ATL1: variants seen among roughly 807,000 people sequenced by gnomAD.
The protein encoded by ATL1 is atlastin-1.
ATL1 carries 31 observed loss-of-function variants against 75.5 expected under a neutral mutation model. The observed-to-expected ratio is 0.41, with a 90% CI of 0.31 to 0.55. The LOEUF (loss-of-function observed/expected upper bound fraction) is 0.55. Ranked by LOEUF, ATL1 falls within the 20% of genes least tolerant of loss-of-function variation. The pLI, the probability that ATL1 is intolerant of heterozygous loss-of-function variation, is 0.27. For synonymous variants in ATL1, 226 were observed against 233.3 expected (o/e 0.97, Z 0.28); for missense variants, 405 against 662.6 (o/e 0.61, Z 4.27).
intron 6 of ATL1, among the ~76,000 whole-genome samples, chr14:50,609,699 A>ACTGAAAGG (rs916696919): frequency 2.0e-5 from 3 of 152,028 alleles, no homozygotes; most frequent in African/African-American, 7.2e-5. Context: ...AGCTCTGCCC[A>ACTGAAAGG]CTGAAAGGTC....
chr14:50,590,974 C>A lies in ATL1; in HGVS notation c.316C>A (p.Pro106Thr). ...SVDWVGDYNE[P>T]LTGFSWRGGS... ...TGATTGGGTTGGAGACTACAATGAA[C>A]CATTGACTGGTTTTTCATGGAGAGG... Residue 106 changes from proline (P) to threonine (T), a missense_variant, in exon 3 of 14, where the codon CCA becomes ACA. Pro to Thr is a conservative substitution (Grantham distance 38). This residue lies in a region of ATL1 where 126 missense variants were observed against 172.0 expected (regional missense o/e 0.73). Coordinates refer to ENST00000358385, the MANE Select transcript of ATL1 (RefSeq NM_015915.5). The A allele has an allele frequency of 6.2e-7, 1 of 1,613,830 alleles. No individual in the cohort carries two copies. The highest frequency in any genetic ancestry group is 1.1e-5 in the South Asian group (1 of 91,064).
chr14:50,614,373 G>T lies in ATL1; in HGVS notation c.724G>T (p.Val242Phe), dbSNP rs772913174. ...GAKFLEKRLK[V>F]SGNQHEELQN... ...TAAACTTCAGAATGATTTACTGCAG[G>T]TCTCAGGGAACCAGCATGAAGAACT... The change falls in exon 8 of 14, where the codon GTC becomes TTC. Residue 242 changes from valine to phenylalanine, a missense_variant and splice_region_variant. Val to Phe is a conservative substitution (Grantham distance 50). Transcript: ENST00000358385. 6.2e-7 allele frequency: 1 copy of T among 1,613,968 alleles called. No homozygotes were observed. The highest frequency in any genetic ancestry group is 1.3e-5 in the African/African-American group (1 of 75,036).
At chr14:50,627,766 G>A (rs2039535297) in intron 11 of ATL1, among the ~76,000 whole-genome samples, 1 of 152,142 alleles carries the variant, frequency 6.6e-6, no homozygotes, top group Admixed American at 6.5e-5. Flanking sequence ...TCATCTTGAA[G>A]GACTTGGATT....
At chr14:50,603,931 A>G (rs1230366042) in intron 6 of ATL1, among the ~76,000 whole-genome samples, 1 of 152,154 alleles carries the variant, frequency 6.6e-6, no homozygotes, top group Non-Finnish European at 1.5e-5. Flanking sequence ...GCTACATAGA[A>G]CTAGGTCAGT....
intron 1 of ATL1, among the ~76,000 whole-genome samples, chr14:50,544,552 C>T (rs1485159330): frequency 6.6e-6 from 1 of 152,186 alleles, no homozygotes; most frequent in African/African-American, 2.4e-5. Context: ...ACAGACATGA[C>T]TTATTCTGTC....
chr14:50,540,574 T>C (rs1400051880), intron 1 of ATL1, among the ~76,000 whole-genome samples: 2 of 152,280 alleles, frequency 1.3e-5, no homozygotes, highest in Middle Eastern at 3.4e-3. Context: ...TTCTCATACA[T>C]TCTGGAGGTT....
At chr14:50,600,936 C>G (rs1042785763) in intron 6 of ATL1, among the ~76,000 whole-genome samples, 1 of 151,966 alleles carries the variant, frequency 6.6e-6, no homozygotes, top group Non-Finnish European at 1.5e-5. Flanking sequence ...GACTCTATCT[C>G]TACAAAAAGT....
At position 50,628,198 on chromosome 14, in the gene ATL1, C is replaced by T. The variant is rs2039540604; in HGVS notation, c.1287C>T (p.Tyr429=). 6.2e-7 allele frequency: 1 copy of T among 1,614,156 alleles called. No homozygotes were observed. The highest frequency in any genetic ancestry group is 1.1e-5 in the South Asian group (1 of 91,082). ...TGGAGAGTGAAATAGATGAACTTTA[C>T]ATCCAATATATCAAGCACAATGATA... ...QQLESEIDEL[Y]IQYIKHNDSK... Residue 429 remains tyrosine, a synonymous_variant, in exon 12 of 14, where the codon TAC becomes TAT. Coordinates refer to ENST00000358385, the MANE Select transcript of ATL1 (RefSeq NM_015915.5).
chr14:50,575,422 C>T (rs1566719070), intron 1 of ATL1, among the ~76,000 whole-genome samples: 1 of 152,104 alleles, frequency 6.6e-6, no homozygotes, highest in Non-Finnish European at 1.5e-5. Context: ...TACATATAAT[C>T]CCATATCTCT....
chr14:50,560,208 C>G lies in ATL1; in HGVS notation c.-58C>G. On this transcript the variant is annotated 5_prime_UTR_variant, in exon 1 of 14. Transcript: ENST00000358385. ...CTCCCACCGCCAGCAACCTGCGGCCCCGGAGAAGGCAGCGAGCGCAGTGAC... is the reference window on the plus strand; with the variant it reads ...CTCCCACCGCCAGCAACCTGCGGCCGCGGAGAAGGCAGCGAGCGCAGTGAC... The G allele has an allele frequency of 6.2e-7, 1 of 1,606,404 alleles. No homozygotes were observed. Among genetic ancestry groups the G allele is most frequent in the Non-Finnish European group, 8.5e-7 (1 of 1,176,140 alleles).
rs79293985 is a variant in ATL1 at position 50,541,403 on chromosome 14, C to T, written c.-140+8036C>T. On this transcript the variant is annotated intron_variant, in intron 1 of 13. Coordinates refer to the ATL1 transcript ENST00000441560. ...AGATAAACCCAGTTCAGGAACCTGA[C>T]ACATTAGTGACATTTCTAACAAGGA... Among the ~76,000 whole-genome samples, 427 of 152,330 alleles carry T rather than the reference C, an allele frequency of 2.8e-3. 2 individuals carry two copies. Among genetic ancestry groups the T allele is most frequent in the Non-Finnish European group, 4.2e-3 (285 of 68,034 alleles).
chr14:50,599,539 TA>T, intron 6 of ATL1, among the ~76,000 whole-genome samples: 1 of 152,218 alleles, frequency 6.6e-6, no homozygotes, highest in East Asian at 1.9e-4. Flanking sequence ...AGAGTAATAG[TA>T]GCAGGAATTT....
At chr14:50,576,878 A>G (rs930748223) in intron 1 of ATL1, among the ~76,000 whole-genome samples, 1 of 152,112 alleles carries the variant, frequency 6.6e-6, no homozygotes, top group Non-Finnish European at 1.5e-5. Flanking sequence ...TGCCCAGCCT[A>G]TTTTAGATTA....
chr14:50,584,211 C>G (rs911944223), intron 1 of ATL1, among the ~76,000 whole-genome samples: 1 of 151,774 alleles, frequency 6.6e-6, no homozygotes. Flanking sequence ...CCCATCTCTA[C>G]AAAAAATACA....
At chr14:50,543,032 T>G (rs185107779) in intron 1 of ATL1, among the ~76,000 whole-genome samples, 1 of 152,302 alleles carries the variant, frequency 6.6e-6, no homozygotes, top group African/African-American at 2.4e-5. Flanking sequence ...AATGTGAAAA[T>G]AACTGTGAAC....
chr14:50,536,996 C>T (rs4349065), intron 1 of ATL1, among the ~76,000 whole-genome samples: 127,843 of 152,280 alleles, frequency 0.84, 55,654 homozygotes, highest in Non-Finnish European at 0.94. Context: ...GCATAAGTAA[C>T]GAAAAGCTGA....
At position 50,597,220 on chromosome 14, in the gene ATL1, C is replaced by CAAAAAAAA. The variant is rs372066395; in HGVS notation, c.630+1594_630+1601dup. Among the ~76,000 whole-genome samples, 466 of 108,320 alleles carry CAAAAAAAA rather than the reference C, an allele frequency of 4.3e-3. 8 individuals carry two copies. Among genetic ancestry groups the CAAAAAAAA allele is most frequent in the African/African-American group, 0.018 (432 of 24,068 alleles). The allele number at this position is 108,320 out of a possible 152,430, so 71.1% of individuals were successfully genotyped here. On this transcript the variant is annotated intron_variant, in intron 6 of 13. Transcript: ENST00000358385. ...CAAGACTCTGTCTCAAAAAAACAAA[C>CAAAAAAAA]AAAAAAAAAAAAAGAAAAAAGAAAA...
At chr14:50,557,674 C>T (rs1380797030), upstream of ATL1, among the ~76,000 whole-genome samples, 2 of 152,060 alleles carry the variant, frequency 1.3e-5, no homozygotes, top group Admixed American at 6.6e-5. Context: ...TATTTTCATA[C>T]TATTGAGGTA....
At chr14:50,553,270 CAAAA>C (rs35423067) in intron 1 of ATL1, among the ~76,000 whole-genome samples, 1 of 103,152 alleles carries the variant, frequency 9.7e-6, no homozygotes, top group Admixed American at 9.9e-5. Flanking sequence ...GACTCCGTTT[CAAAA>C]AAAAAAAAAA....
Sources: allele counts gnomAD v4.1 joint callset (sites outside exome capture counted in the v4.1 genomes callset), GRCh38; gene constraint gnomAD v4.1.1; regional missense constraint gnomAD v4.1.1; transcripts MANE v1.5; gene names NCBI Gene and HGNC (gene_info 2026-07-23, HGNC 2026-07-21).